Variants in RBFOX1 observed in about 807,000 individuals in gnomAD.
RBFOX1 encodes the protein RNA binding fox-1 homolog 1, also known as RNA binding protein fox-1 homolog 1.
A neutral mutation model predicts 57.7 loss-of-function variants in RBFOX1; 8 were observed. The ratio of observed to expected loss-of-function variants is 0.14; its 90% confidence interval spans 0.08 to 0.25. The LOEUF (loss-of-function observed/expected upper bound fraction) is 0.25. Ranked by LOEUF, RBFOX1 falls within the 10% of genes least tolerant of loss-of-function variation. The pLI, the probability that RBFOX1 is intolerant of heterozygous loss-of-function variation, is 1.00. For synonymous variants in RBFOX1, 326 were observed against 222.4 expected, an observed-to-expected ratio of 1.47 and a Z score of -4.15; for missense variants, 611 against 548.5, an observed-to-expected ratio of 1.11 and a Z score of -1.14.
intron 4 of RBFOX1, among the ~76,000 whole-genome samples, chr16:5,926,226 G>A (rs2058937866): frequency 6.6e-6 from 1 of 152,190 alleles, no homozygotes; most frequent in East Asian, 1.9e-4. Flanking sequence ...TTACCCATAT[G>A]ACACTTTGGC....
Position 7,517,138 on chromosome 16 carries a change from C to CGTGTGTGTGT in RBFOX1, c.28-968_28-959dup, listed in dbSNP as rs200887129. On this transcript the variant is annotated intron_variant, in intron 4 of 15. Transcript: ENST00000550418. ...ACCTTTGGGTTACAATTTCTTATGC[C>CGTGTGTGTGT]GTGTGTGTGTGTGTGTGTGTGTGTG... 6.1e-4 allele frequency among the ~76,000 whole-genome samples: 80 copies of CGTGTGTGTGT among 130,216 alleles called. No homozygotes were observed. The East Asian group carries it at 6.9e-3, about 11-fold the overall frequency. 85.4% of individuals were successfully genotyped at this position (130,216 alleles called of 152,430 possible).
intron 2 of RBFOX1, among the ~76,000 whole-genome samples, chr16:6,540,552 C>T (rs1162574023): frequency 7.6e-6 from 1 of 130,824 alleles, no homozygotes; most frequent in African/African-American, 2.9e-5. Flanking sequence ...GCCGAGGTTG[C>T]AGTGAGCCGA....
intron 2 of RBFOX1, among the ~76,000 whole-genome samples, chr16:6,509,650 A>C (rs1361905149): frequency 2.0e-5 from 3 of 152,202 alleles, no homozygotes; most frequent in Non-Finnish European, 4.4e-5. Context: ...TAGTCAAAAA[A>C]AATTTAAGTG....
intron 2 of RBFOX1, among the ~76,000 whole-genome samples, chr16:6,495,717 A>G (rs1181233711): frequency 6.6e-6 from 1 of 152,148 alleles, no homozygotes; most frequent in Non-Finnish European, 1.5e-5. Context: ...TCCCTTGGTT[A>G]CACACTGTAA....
chr16:5,617,582 G>C (rs992895130), intron 3 of RBFOX1, among the ~76,000 whole-genome samples: 2 of 152,236 alleles, frequency 1.3e-5, no homozygotes, highest in African/African-American at 4.8e-5. Context: ...AGGTGCATAT[G>C]TCTTCTGCAT....
intron 2 of RBFOX1, among the ~76,000 whole-genome samples, chr16:5,488,904 A>G (rs1717436938): frequency 6.6e-6 from 1 of 152,302 alleles, no homozygotes; most frequent in Admixed American, 6.5e-5. Context: ...ATGGTGATAC[A>G]ATAGCTAAAA....
chr16:5,765,696 A>T (rs1029329791), intron 3 of RBFOX1, among the ~76,000 whole-genome samples: 4 of 152,256 alleles, frequency 2.6e-5, no homozygotes, highest in South Asian at 2.1e-4. Flanking sequence ...GCCCCAAGGG[A>T]GAAAGGACGC....
At chr16:6,605,364 G>A (rs894438931) in intron 2 of RBFOX1, among the ~76,000 whole-genome samples, 2 of 152,086 alleles carry the variant, frequency 1.3e-5, no homozygotes, top group Non-Finnish European at 2.9e-5. Flanking sequence ...TTGTTTCATT[G>A]CTGTCCATCT....
intron 1 of RBFOX1, among the ~76,000 whole-genome samples, chr16:6,286,698 A>G (rs1232549868): frequency 6.6e-6 from 1 of 152,198 alleles, no homozygotes; most frequent in East Asian, 1.9e-4. Flanking sequence ...GGACTGGAGA[A>G]TGATCCAACA....
chr16:7,012,114 C>G (rs1374456695), intron 3 of RBFOX1, among the ~76,000 whole-genome samples: 1 of 152,070 alleles, frequency 6.6e-6, no homozygotes, highest in Non-Finnish European at 1.5e-5. Context: ...GCTTCAGAAT[C>G]CATCCAGCAA....
intron 3 of RBFOX1, among the ~76,000 whole-genome samples, chr16:6,865,215 C>G (rs951838583): frequency 6.6e-6 from 1 of 151,862 alleles, no homozygotes; most frequent in East Asian, 1.9e-4. Context: ...GTTGGCCAGG[C>G]TGGTCTCGAA....
At chr16:7,321,187 C>T (rs2096540567) in intron 4 of RBFOX1, among the ~76,000 whole-genome samples, 1 of 151,378 alleles carries the variant, frequency 6.6e-6, no homozygotes, top group Non-Finnish European at 1.5e-5. Flanking sequence ...CTCTGCTGCC[C>T]AGGCTGGAGT....
At chr16:6,063,408 C>G (rs1001912708) in intron 1 of RBFOX1, among the ~76,000 whole-genome samples, 1 of 151,446 alleles carries the variant, frequency 6.6e-6, no homozygotes, top group Non-Finnish European at 1.5e-5. Flanking sequence ...AGAGAAATGG[C>G]AGACATATTA....
At chr16:7,185,399 A>T (rs772404736) in intron 4 of RBFOX1, among the ~76,000 whole-genome samples, 1 of 152,238 alleles carries the variant, frequency 6.6e-6, no homozygotes, top group East Asian at 1.9e-4. Flanking sequence ...TTTGACAGAG[A>T]TGGATTACAT....
At chr16:7,457,588 T>G (rs1427300865) in intron 4 of RBFOX1, among the ~76,000 whole-genome samples, 3 of 152,204 alleles carry the variant, frequency 2.0e-5, no homozygotes, top group Non-Finnish European at 4.4e-5. Context: ...TTCCTTCTTC[T>G]TCAAGCTGTA....
chr16:5,270,784 C>G (rs2062984272), intron 1 of RBFOX1: 1 of 462,444 alleles, frequency 2.2e-6, no homozygotes, highest in Non-Finnish European at 4.1e-6. Flanking sequence ...CCAATTTATC[C>G]TCTCCATGAT....
chr16:7,633,020 T>A (rs554302152), intron 11 of RBFOX1, among the ~76,000 whole-genome samples: 1 of 152,048 alleles, frequency 6.6e-6, no homozygotes, highest in East Asian at 1.9e-4. Context: ...AGCTGAAGCA[T>A]AGAGAGAAAA....
intron 2 of RBFOX1, among the ~76,000 whole-genome samples, chr16:6,318,541 C>T (rs1199362979): frequency 6.6e-6 from 1 of 152,114 alleles, no homozygotes; most frequent in African/African-American, 2.4e-5. Flanking sequence ...GTTTTCAGAT[C>T]ATACATGACC....
At chr16:6,322,725 A>G (rs2081954661) in intron 2 of RBFOX1, among the ~76,000 whole-genome samples, 1 of 152,222 alleles carries the variant, frequency 6.6e-6, no homozygotes, top group Non-Finnish European at 1.5e-5. Context: ...TGCAAAATTC[A>G]GCAGATGGGT....
Sources: allele counts gnomAD v4.1 joint callset (sites outside exome capture counted in the v4.1 genomes callset), GRCh38; gene constraint gnomAD v4.1.1; transcripts MANE v1.5; gene names NCBI Gene and HGNC (gene_info 2026-07-23, HGNC 2026-07-21).